The following ATP10A variants were observed in gnomAD, a reference collection of about 807,000 sequenced individuals.
ATP10A encodes ATPase phospholipid transporting 10A (putative).
ATP10A carries 111 observed loss-of-function variants against 147.8 expected under a neutral mutation model. The ratio of observed to expected loss-of-function variants is 0.75; its 90% confidence interval spans 0.64 to 0.88. The LOEUF is 0.88. Ranked by LOEUF, ATP10A falls within the 40% of genes least tolerant of loss-of-function variation. The probability of loss-of-function intolerance (pLI) is 0.00; values close to 1 mark genes in which losing one functional copy is unlikely to be tolerated. For missense variants in ATP10A, 1,927 were observed against 1,959.0 expected, an observed-to-expected ratio of 0.98 and a Z score of 0.31; for synonymous variants, 875 against 841.6, an observed-to-expected ratio of 1.04 and a Z score of -0.69.
intron 1 of ATP10A, among the ~76,000 whole-genome samples, chr15:25,791,143 C>A (rs529517711): frequency 6.7e-6 from 1 of 149,702 alleles, no homozygotes; most frequent in African/African-American, 2.5e-5. Flanking sequence ...TGCAGTGGCA[C>A]GATCTCGACT....
chr15:25,748,766 C>A (rs1887978491), intron 2 of ATP10A, among the ~76,000 whole-genome samples: 1 of 151,848 alleles, frequency 6.6e-6, no homozygotes, highest in Admixed American at 6.6e-5. Flanking sequence ...AGAATTAATA[C>A]ATGAGTGACC....
At chr15:25,766,888 T>C (rs1296600853) in intron 2 of ATP10A, among the ~76,000 whole-genome samples, 1 of 142,912 alleles carries the variant, frequency 7.0e-6, no homozygotes, top group Non-Finnish European at 1.5e-5. Flanking sequence ...TACTTTAAAC[T>C]AGTGGAACTG....
chr15:25,685,836 A>T, intron 16 of ATP10A, among the ~76,000 whole-genome samples: 1 of 152,048 alleles, frequency 6.6e-6, no homozygotes, highest in Non-Finnish European at 1.5e-5. Context: ...AAAAAAAAAA[A>T]AAAAAAATCC....
At chr15:25,776,966 C>A (rs974429130) in intron 2 of ATP10A, among the ~76,000 whole-genome samples, 1 of 152,108 alleles carries the variant, frequency 6.6e-6, no homozygotes, top group Non-Finnish European at 1.5e-5. Flanking sequence ...AACAAAAGCC[C>A]CCTGGACTCA....
chr15:25,718,233 C>A lies in ATP10A; in HGVS notation c.1530G>T (p.Glu510Asp). 3 of 1,613,064 alleles carry A rather than the reference C, an allele frequency of 1.9e-6. No homozygotes were observed. The South Asian group carries it at 3.3e-5, about 18-fold the overall frequency. The change falls in exon 8 of 21, where the codon GAG becomes GAT. Residue 510 changes from glutamate to aspartate, a missense_variant. Glu to Asp is a conservative substitution (Grantham distance 45). Transcript: ENST00000555815. ...KSHRRTGSRA[E>D]AKRASMLSKH... ...TGGACAGCATGCTGGCCCTCTTGGC[C>A]TCGGCCCGGCTGCCCGTGCGCCGGT...
chr15:25,796,665 G>A (rs1890685323), intron 1 of ATP10A, among the ~76,000 whole-genome samples: 1 of 152,214 alleles, frequency 6.6e-6, no homozygotes, highest in Non-Finnish European at 1.5e-5. Flanking sequence ...CTCCACAGGT[G>A]AGGCAGACAT....
chr15:25,729,402 T>C (rs558449909), intron 3 of ATP10A, among the ~76,000 whole-genome samples: 15 of 152,294 alleles, frequency 9.8e-5, no homozygotes, highest in African/African-American at 2.2e-4. Flanking sequence ...TGCCCTCTTC[T>C]GTATATCTCC....
downstream of ATP10A, among the ~76,000 whole-genome samples, chr15:25,675,562 T>G (rs1899119294): frequency 6.6e-6 from 1 of 151,302 alleles, no homozygotes; most frequent in African/African-American, 2.4e-5. Context: ...CCCTTCTGAG[T>G]GAGATGAACC....
At chr15:25,779,386 T>A (rs1889783092) in intron 2 of ATP10A, among the ~76,000 whole-genome samples, 1 of 152,204 alleles carries the variant, frequency 6.6e-6, no homozygotes, top group Non-Finnish European at 1.5e-5. Flanking sequence ...GAGGTGACAT[T>A]CGAGCTATCA....
chr15:25,828,546 A>G (rs1188135200), intron 1 of ATP10A, among the ~76,000 whole-genome samples: 1 of 152,222 alleles, frequency 6.6e-6, no homozygotes, highest in Non-Finnish European at 1.5e-5. Flanking sequence ...TAACCAATGG[A>G]TCACAGGGGA....
chr15:25,783,920 C>G (rs982667794), intron 1 of ATP10A, among the ~76,000 whole-genome samples: 4 of 152,166 alleles, frequency 2.6e-5, no homozygotes, highest in African/African-American at 9.7e-5. Context: ...GGCCCCAGCC[C>G]GAGGTCTGAG....
intron 1 of ATP10A, among the ~76,000 whole-genome samples, chr15:25,790,212 G>A (rs1049669710): frequency 1.3e-5 from 2 of 152,206 alleles, no homozygotes; most frequent in African/African-American, 4.8e-5. Context: ...AGTGAGAAAT[G>A]ATAGTTGGAG....
chr15:25,840,859 T>A (rs779080031), intron 1 of ATP10A, among the ~76,000 whole-genome samples: 1 of 152,200 alleles, frequency 6.6e-6, no homozygotes, highest in Admixed American at 6.5e-5. Context: ...CGCAGTGGTA[T>A]CTCTGAGTGG....
chr15:25,679,639 G>C lies in ATP10A; in HGVS notation c.4202C>G (p.Ala1401Gly), dbSNP rs544906145. ...PAPMSSAPGE[A>G]VLRSPGGCPE... ...ACACCCTCCTGGACTCCTCAGGACA[G>C]CCTCCCCTGGCGCAGAGGACATGGG... Residue 1401 changes from alanine to glycine, a missense_variant, in exon 21 of 21, where the codon GCT becomes GGT. Ala to Gly is a moderately conservative substitution (Grantham distance 60, BLOSUM62 0). Transcript: ENST00000555815. 4 of 1,613,350 alleles carry C rather than the reference G, an allele frequency of 2.5e-6. No homozygotes were observed. Among genetic ancestry groups the C allele is most frequent in the Non-Finnish European group, 3.4e-6 (4 of 1,179,992 alleles).
chr15:25,695,239 C>T, intron 13 of ATP10A, 93 bp from the exon 14 acceptor site: 1 of 1,266,096 alleles, frequency 7.9e-7, no homozygotes. Flanking sequence ...TGACATCCTT[C>T]CGGGCTCCAG....
intron 1 of ATP10A, among the ~76,000 whole-genome samples, chr15:25,835,403 T>G (rs1020461646): frequency 3.9e-5 from 6 of 152,168 alleles, no homozygotes. Context: ...GTATGGTACG[T>G]GAAGTGGGTC....
chr15:25,787,807 G>GT (rs796592773), intron 1 of ATP10A, among the ~76,000 whole-genome samples: 22 of 151,768 alleles, frequency 1.4e-4, no homozygotes, highest in Admixed American at 2.6e-4. Context: ...ACCAAACTGT[G>GT]TTTTTTTTGC....
upstream of ATP10A, among the ~76,000 whole-genome samples, chr15:25,863,448 G>T (rs1381485226): frequency 1.3e-5 from 2 of 152,112 alleles, no homozygotes; most frequent in Non-Finnish European, 1.5e-5. Flanking sequence ...GCCGGATAGC[G>T]GGAAACAAAA....
chr15:25,809,996 C>T (rs114914056), intron 1 of ATP10A, among the ~76,000 whole-genome samples: 1,914 of 139,910 alleles, frequency 0.014, 29 homozygotes, highest in African/African-American at 0.035. Flanking sequence ...ACCATCCAAA[C>T]GGGAAGAAGG....
Sources: allele counts gnomAD v4.1 joint callset (sites outside exome capture counted in the v4.1 genomes callset), GRCh38; gene constraint gnomAD v4.1.1; transcripts MANE v1.5; gene names NCBI Gene and HGNC (gene_info 2026-07-23, HGNC 2026-07-21).